The following RELN variants were observed in gnomAD, a reference collection of about 807,000 sequenced individuals.
RELN encodes reelin.
Under a neutral mutation model 427.6 loss-of-function variants are expected in RELN, and 108 were observed. The observed-to-expected ratio is 0.25, with a 90% CI of 0.22 to 0.30. RELN has a LOEUF of 0.30. Ranked by LOEUF, RELN falls within the 10% of genes least tolerant of loss-of-function variation. The pLI, the probability that RELN is intolerant of heterozygous loss-of-function variation, is 1.00. For missense variants in RELN, 3,715 were observed against 4,302.8 expected, an observed-to-expected ratio of 0.86 and a Z score of 3.82; for synonymous variants, 1,524 against 1,513.4, an observed-to-expected ratio of 1.01 and a Z score of -0.16.
At chr7:103,898,573 T>C (rs1230070257) in intron 2 of RELN, among the ~76,000 whole-genome samples, 4 of 152,072 alleles carry the variant, frequency 2.6e-5, no homozygotes, top group African/African-American at 9.7e-5. Context: ...TAAATATCTA[T>C]TTTTTAGCAC....
chr7:103,932,688 G>T (rs971922786), intron 1 of RELN, among the ~76,000 whole-genome samples: 2 of 152,190 alleles, frequency 1.3e-5, no homozygotes, highest in Non-Finnish European at 2.9e-5. Flanking sequence ...CACTGACATA[G>T]GATTCCCATT....
chr7:103,679,166 C>T (rs1833602208), intron 11 of RELN, among the ~76,000 whole-genome samples: 1 of 152,166 alleles, frequency 6.6e-6, no homozygotes, highest in African/African-American at 2.4e-5. Flanking sequence ...CAACCCCCAA[C>T]ACATACAAGC....
At position 103,776,610 on chromosome 7, in the gene RELN, C is replaced by T. The variant is rs1193525098; in HGVS notation, c.491G>A (p.Arg164Gln). The T allele has an allele frequency of 2.9e-5, 46 of 1,613,850 alleles. No individual in the cohort carries two copies. Among genetic ancestry groups the T allele is most frequent in the South Asian group, 5.5e-5 (5 of 91,080 alleles). The change falls in exon 4 of 65, where the codon CGG becomes CAG. Residue 164 changes from arginine (R) to glutamine (Q), a missense_variant. This residue lies in a region of RELN where 2,208 missense variants were observed against 2,361.7 expected (regional missense o/e 0.93). Coordinates refer to ENST00000428762, the MANE Select transcript of RELN (RefSeq NM_005045.4). Reference protein sequence around the residue: ...CVNFMATATHRGQVIFKDALA... With the variant: ...CVNFMATATHQGQVIFKDALA... The stretch of plus-strand genomic sequence containing the variant: ...AGCATCTTTGAAAATAACCTGGCCC[C>T]GGTGTGTTGCTGTAGCCCTGGAAAC...
At chr7:103,475,772 G>C (rs1247024183) in intron 64 of RELN, among the ~76,000 whole-genome samples, 4 of 152,150 alleles carry the variant, frequency 2.6e-5, no homozygotes, top group African/African-American at 9.7e-5. Context: ...CTTTATAGGT[G>C]AGAAAATAAA....
In RELN at chr7:103,634,992, G is replaced by T. The variant is rs373151833; in HGVS notation, c.2465+433C>A. 2.0e-5 allele frequency among the ~76,000 whole-genome samples: 3 copies of T among 151,926 alleles called. 1 individual carries two copies. The highest frequency in any genetic ancestry group is 6.6e-5 in the Admixed American group (1 of 15,254). ...TCCTGCCTCAGCCTCCTGAGTAGCT[G>T]GGACTACAGGTGCGCACCACCACAC... On this transcript the variant is annotated intron_variant, in intron 19 of 64. Transcript: ENST00000428762.
At chr7:103,875,450 T>C (rs1249237936) in intron 2 of RELN, among the ~76,000 whole-genome samples, 2 of 152,190 alleles carry the variant, frequency 1.3e-5, no homozygotes, top group Non-Finnish European at 2.9e-5. Flanking sequence ...TATGAATATA[T>C]TTTTGACTAA....
At chr7:103,930,868 ATGTGTGTGTGTGTG>A (rs60265174) in intron 1 of RELN, among the ~76,000 whole-genome samples, 18 of 141,902 alleles carry the variant, frequency 1.3e-4, no homozygotes, top group Admixed American at 4.9e-4. Flanking sequence ...GTGTGAGCAT[ATGTGTGTGTGTGTG>A]TGTGTGTGTG....
intron 51 of RELN, among the ~76,000 whole-genome samples, chr7:103,507,397 T>C (rs1368566932): frequency 6.6e-6 from 1 of 152,114 alleles, no homozygotes; most frequent in East Asian, 1.9e-4. Context: ...TCCACACAAC[T>C]ACATGGAAAC....
rs763831513 is a variant in RELN, at chr7:103,596,480, T to C, written c.3515A>G (p.Tyr1172Cys). The C allele has an allele frequency of 4.6e-5, 75 of 1,613,828 alleles. No individual in the cohort carries two copies. Among genetic ancestry groups the C allele is most frequent in the Non-Finnish European group, 2.5e-6 (3 of 1,179,920 alleles). ...GIQWHLLAEMYFSDFSKPRFV... is the reference protein window; with the variant it reads ...GIQWHLLAEMCFSDFSKPRFV... Reference sequence around the variant, plus strand: ...CCTGGGTTTGCTGAAGTCTGAAAAGTACATCTCTGCTAGCAGGTGCCACTG... The same window carrying C: ...CCTGGGTTTGCTGAAGTCTGAAAAGCACATCTCTGCTAGCAGGTGCCACTG... Residue 1172 changes from tyrosine to cysteine, a missense_variant, in exon 25 of 65, where the codon TAC becomes TGC. Tyr to Cys is a radical substitution (Grantham distance 194). This residue lies in a region of RELN where 2,208 missense variants were observed against 2,361.7 expected (regional missense o/e 0.93). Transcript: ENST00000428762.
intron 1 of RELN, among the ~76,000 whole-genome samples, chr7:103,945,556 C>T (rs1796203824): frequency 6.6e-6 from 1 of 152,182 alleles, no homozygotes; most frequent in African/African-American, 2.4e-5. Flanking sequence ...CAACAAGCCA[C>T]ATGATACTTC....
intron 46 of RELN, among the ~76,000 whole-genome samples, chr7:103,524,321 G>A (rs577982890): frequency 1.9e-4 from 29 of 150,564 alleles, no homozygotes; most frequent in African/African-American, 6.6e-4. Context: ...TAATTGGACA[G>A]AGAAAATTGT....
intron 28 of RELN, among the ~76,000 whole-genome samples, chr7:103,587,205 G>C (rs1242554185): frequency 6.6e-6 from 1 of 152,212 alleles, no homozygotes; most frequent in East Asian, 1.9e-4. Context: ...GAACAGAATA[G>C]ATAATCCAGA....
At chr7:103,689,111 T>A (rs61411045) in intron 10 of RELN, among the ~76,000 whole-genome samples, 4 of 152,120 alleles carry the variant, frequency 2.6e-5, no homozygotes, top group African/African-American at 9.7e-5. Context: ...TTTAAATACA[T>A]GTGATCAAAT....
chr7:103,768,970 C>G (rs1275560305), intron 4 of RELN, among the ~76,000 whole-genome samples: 1 of 152,174 alleles, frequency 6.6e-6, no homozygotes, highest in East Asian at 1.9e-4. Flanking sequence ...TGTAAGTTCA[C>G]TGTAAACAAA....
chr7:103,847,979 T>C (rs765370429), intron 2 of RELN, among the ~76,000 whole-genome samples: 14 of 152,190 alleles, frequency 9.2e-5, no homozygotes, highest in Non-Finnish European at 1.3e-4. Flanking sequence ...GAATAAAATA[T>C]TTGATAAAAC....
At chr7:103,704,034 T>C (rs975714377) in intron 8 of RELN, among the ~76,000 whole-genome samples, 2 of 152,312 alleles carry the variant, frequency 1.3e-5, no homozygotes, top group Admixed American at 1.3e-4. Context: ...CTGGCCCCCA[T>C]ACACTGATGT....
chr7:103,855,639 A>G (rs2116475994), intron 2 of RELN, among the ~76,000 whole-genome samples: 1 of 152,298 alleles, frequency 6.6e-6, no homozygotes, highest in African/African-American at 2.4e-5. Context: ...AAAGCAACAT[A>G]AATGTATTGT....
At chr7:103,697,245 G>A (rs1833995039) in intron 10 of RELN, among the ~76,000 whole-genome samples, 1 of 152,066 alleles carries the variant, frequency 6.6e-6, no homozygotes, top group Non-Finnish European at 1.5e-5. Flanking sequence ...CATTGTATTG[G>A]AGTTAGGATT....
chr7:103,489,949 T>C (rs1272695697), intron 59 of RELN, 50 bp from the exon 60 acceptor site: 8 of 1,608,774 alleles, frequency 5.0e-6, no homozygotes, highest in Non-Finnish European at 6.8e-6. Flanking sequence ...GTTACTTCCA[T>C]GGCTGCATCC....
Sources: gnomAD v4.1 joint callset for allele counts (sites outside exome capture counted in the v4.1 genomes callset) on GRCh38, gnomAD v4.1.1 for gene constraint, gnomAD v4.1.1 regional missense constraint, MANE v1.5 for transcripts, NCBI Gene and HGNC (gene_info 2026-07-23, HGNC 2026-07-21) for gene names.